Variants in GTPBP4 observed in about 807,000 individuals in gnomAD.
The protein encoded by GTPBP4 is GTP binding protein 4.
Under a neutral mutation model 81.7 loss-of-function variants are expected in GTPBP4, and 15 were observed. The observed-to-expected ratio is 0.18, with a 90% CI of 0.12 to 0.28. GTPBP4 has a LOEUF of 0.28. GTPBP4 is among the 10% of genes least tolerant of loss of function. GTPBP4 has a pLI of 1.00. For synonymous variants in GTPBP4, 272 were observed against 274.6 expected, an observed-to-expected ratio of 0.99 and a Z score of 0.09; for missense variants, 847 against 793.8, an observed-to-expected ratio of 1.07 and a Z score of -0.81.
chr10:1,005,891 T>C lies in GTPBP4; in HGVS notation c.986T>C (p.Ile329Thr), dbSNP rs757660597. The C allele has an allele frequency of 7.0e-6, 11 of 1,575,810 alleles. No homozygotes were observed. Among genetic ancestry groups the C allele is most frequent in the African/African-American group, 5.4e-5 (4 of 73,750 alleles). The change falls in exon 9 of 17, where the codon ATT (isoleucine) becomes ACT (threonine). Residue 329 changes from isoleucine (I) to threonine (T), a missense_variant. Around this residue, in one of 3 missense-constraint regions of GTPBP4, gnomAD observed 600 missense variants for 557.1 expected, o/e 1.08. Coordinates refer to ENST00000360803, the MANE Select transcript of GTPBP4 (RefSeq NM_012341.3). ...AGCACCCTGACTGAGGAAGGTGTTA[T>C]TAAAGTTAAAACAGAGGTCAGTGCT... ...ETSTLTEEGV[I>T]KVKTEACDRL...
chr10:993,539 G>A (rs1329871696), intron 2 of GTPBP4, among the ~76,000 whole-genome samples: 2 of 151,266 alleles, frequency 1.3e-5, no homozygotes, highest in Admixed American at 1.3e-4. Context: ...GAGCCACCAC[G>A]CCTGGCCTGC....
At chr10:1,010,066 G>T (rs1019301407) in intron 12 of GTPBP4, among the ~76,000 whole-genome samples, 10 of 151,420 alleles carry the variant, frequency 6.6e-5, no homozygotes, top group Non-Finnish European at 4.4e-5. Context: ...GGATGGTGGG[G>T]TGATTTCTGT....
intron 11 of GTPBP4, 34 bp downstream of exon 11, chr10:1,009,069 T>G: frequency 6.7e-7 from 1 of 1,483,202 alleles, no homozygotes; most frequent in Non-Finnish European, 9.4e-7. Flanking sequence ...AGTGTTCTCA[T>G]GGGGGGAGGC....
intron 8 of GTPBP4, among the ~76,000 whole-genome samples, chr10:1,004,302 C>T (rs1292329648): frequency 6.6e-6 from 1 of 152,144 alleles, no homozygotes; most frequent in African/African-American, 2.4e-5. Flanking sequence ...GGGAGGAGGA[C>T]AGCAGTGACT....
At chr10:1,013,903 A>T (rs1336218308) in intron 14 of GTPBP4, among the ~76,000 whole-genome samples, 35 of 152,136 alleles carry the variant, frequency 2.3e-4, no homozygotes, top group Non-Finnish European at 2.9e-5. Context: ...GGGAGGAGAG[A>T]GGTTGGCGCA....
chr10:1,000,953 C>T lies in GTPBP4; in HGVS notation c.852C>T (p.Leu284=), dbSNP rs1239796507. The change falls in exon 8 of 17, where the codon CTC becomes CTT. Residue 284 remains leucine (L), a synonymous_variant. Coordinates refer to ENST00000360803, the MANE Select transcript of GTPBP4 (RefSeq NM_012341.3). ...TATTTTTCTTCCTTGCCTAGCCTCT[C>T]ATAGTTGTAGCCAACAAATGTGATG... is the stretch of plus-strand genomic sequence containing the variant. ...NIRPLFINKP[L]IVVANKCDVK... The T allele has an allele frequency of 6.2e-7, 1 of 1,612,280 alleles. No homozygotes were observed. Among genetic ancestry groups the T allele is most frequent in the South Asian group, 1.1e-5 (1 of 91,036 alleles).
chr10:996,525 G>T, intron 4 of GTPBP4: 1 of 248,518 alleles, frequency 4.0e-6, no homozygotes, highest in Non-Finnish European at 7.5e-6. Flanking sequence ...AACTAAGGTG[G>T]CTCATAGTTT....
chr10:988,556 C>T (rs554933454), intron 1 of GTPBP4, 29 bp downstream of exon 1: 11 of 1,567,048 alleles, frequency 7.0e-6, no homozygotes, highest in Admixed American at 1.7e-5. Context: ...GCCACTGCAA[C>T]TTTCGCGTTC....
At chr10:997,110 T>TC in intron 4 of GTPBP4, 98 bp from the exon 5 acceptor site, 1 of 754,378 alleles carries the variant, frequency 1.3e-6, no homozygotes, top group South Asian at 1.6e-5. Flanking sequence ...GTAAGATGAA[T>TC]ATCACCATAG....
chr10:1,010,630 AC>A (rs1271953238), intron 13 of GTPBP4, 110 bp downstream of exon 13: 1 of 733,626 alleles, frequency 1.4e-6, no homozygotes, highest in East Asian at 2.6e-5. Context: ...TTCATTCTGC[AC>A]CCCTCCATCC....
At chr10:990,138 C>T (rs1472295863) in intron 1 of GTPBP4, among the ~76,000 whole-genome samples, 1 of 152,168 alleles carries the variant, frequency 6.6e-6, no homozygotes, top group African/African-American at 2.4e-5. Context: ...ATTATATGAA[C>T]TTTGTTCATG....
intron 5 of GTPBP4, among the ~76,000 whole-genome samples, chr10:998,577 C>G (rs1351427225): frequency 6.6e-6 from 1 of 152,212 alleles, no homozygotes; most frequent in Non-Finnish European, 1.5e-5. Flanking sequence ...GGCCACTGCA[C>G]TGGGTGGCTT....
At position 1,012,140 on chromosome 10, in the gene GTPBP4, G is replaced by A. The variant is rs553145608; in HGVS notation, c.1345-325G>A. 9.2e-5 allele frequency among the ~76,000 whole-genome samples: 14 copies of A among 152,368 alleles called. No individual in the cohort carries two copies. In the South Asian group the frequency reaches 1.9e-3, roughly 20 times the overall value. On this transcript the variant is annotated intron_variant, in intron 13 of 16. Coordinates refer to ENST00000360803, the MANE Select transcript of GTPBP4 (RefSeq NM_012341.3). ...TCAGTGTCTCAGGACTGAGTTCCTT[G>A]TGTGTGTCTGCCGGGAGCATTGGAA...
chr10:1,013,471 G>A (rs1341410889), intron 14 of GTPBP4, among the ~76,000 whole-genome samples: 16 of 145,210 alleles, frequency 1.1e-4, no homozygotes, highest in African/African-American at 2.7e-4. Flanking sequence ...TTAGCTGGGC[G>A]TGGTGGCGGG....
intron 4 of GTPBP4, chr10:996,465 T>G (rs1041419402): frequency 2.2e-5 from 8 of 359,768 alleles, no homozygotes; most frequent in Non-Finnish European, 3.0e-5. Context: ...TCATATTTAA[T>G]AGGTAAGGCA....
chr10:1,019,189 G>A lies in GTPBP4; in HGVS notation c.*1962G>A, dbSNP rs926724012. ...ACAGCCTCATGGTCCAGCCAGGCTAGTCCGCCTGCTTCAGGACTCTCAAGA... is the reference window on the plus strand; with the variant it reads ...ACAGCCTCATGGTCCAGCCAGGCTAATCCGCCTGCTTCAGGACTCTCAAGA... On this transcript the variant is annotated 3_prime_UTR_variant, in exon 17 of 17. Transcript: ENST00000360803. The A allele has an allele frequency of 2.8e-5, 7 of 252,610 alleles. No homozygotes were observed. Among genetic ancestry groups the A allele is most frequent in the Non-Finnish European group, 4.6e-5 (6 of 130,360 alleles). 15.6% of individuals were successfully genotyped at this position (252,610 alleles called of 1,614,324 possible).
chr10:1,005,949 T>A (rs748846155), intron 9 of GTPBP4, 42 bp downstream of exon 9: 3 of 961,534 alleles, frequency 3.1e-6, no homozygotes, highest in African/African-American at 3.3e-5. Context: ...TTTTACTGTC[T>A]CTTGTTTGAT....
rs1302524436 is a variant in GTPBP4 at position 1,000,752 on chromosome 10, C to G, written c.730C>G (p.Leu244Val). The G allele has an allele frequency of 6.2e-7, 1 of 1,603,526 alleles. No homozygotes were observed. Among genetic ancestry groups the G allele is most frequent in the Non-Finnish European group, 8.5e-7 (1 of 1,174,640 alleles). ...NTIEMQAITA[L>V]AHLRAAVLYV... ...CATCGAGATGCAGGCCATCACTGCC[C>G]TGGCCCACCTCCGTGCTGCGGTCCT... The change falls in exon 7 of 17, where the codon CTG becomes GTG. Residue 244 changes from leucine (L) to valine (V), a missense_variant. By Grantham distance (32) the Leu-to-Val change is conservative (BLOSUM62 1). Transcript: ENST00000360803.
At chr10:1,007,537 C>T (rs1247284687) in intron 10 of GTPBP4, among the ~76,000 whole-genome samples, 1 of 152,106 alleles carries the variant, frequency 6.6e-6, no homozygotes, top group African/African-American at 2.4e-5. Flanking sequence ...GAGTTCTTGA[C>T]CAGCCTGGGC....
Sources: allele counts gnomAD v4.1 joint callset (sites outside exome capture counted in the v4.1 genomes callset), GRCh38; gene constraint gnomAD v4.1.1; regional missense constraint gnomAD v4.1.1; transcripts MANE v1.5; gene names NCBI Gene and HGNC (gene_info 2026-07-23, HGNC 2026-07-21).